The following UNC80 variants were observed in gnomAD, a reference collection of about 807,000 sequenced individuals.
UNC80 encodes protein unc-80 homolog.
Under a neutral mutation model 384.6 loss-of-function variants are expected in UNC80, and 164 were observed. The ratio of observed to expected loss-of-function variants is 0.43; its 90% confidence interval spans 0.38 to 0.49. The LOEUF is 0.49. Among genes scored for constraint, UNC80 ranks in the 20% least tolerant of loss-of-function variants. The pLI, the probability that UNC80 is intolerant of heterozygous loss-of-function variation, is 0.00. For synonymous variants in UNC80, 1,486 were observed against 1,527.8 expected, an observed-to-expected ratio of 0.97 and a Z score of 0.64; for missense variants, 3,330 against 4,143.0, an observed-to-expected ratio of 0.80 and a Z score of 5.39.
intron 1 of UNC80, among the ~76,000 whole-genome samples, chr2:209,772,744 A>G (rs947775064): frequency 1.3e-5 from 2 of 152,198 alleles, no homozygotes; most frequent in Non-Finnish European, 2.9e-5. Context: ...AAGATATTAG[A>G]TTCTGGAAAT....
chr2:209,842,754 C>G (rs374369815), intron 21 of UNC80, among the ~76,000 whole-genome samples: 29 of 152,290 alleles, frequency 1.9e-4, no homozygotes, highest in African/African-American at 7.0e-4. Context: ...ATCCTTTTAT[C>G]CACCCACCTA....
intron 17 of UNC80, 130 bp from the exon 18 acceptor site, chr2:209,834,782 C>T: frequency 1.5e-6 from 1 of 669,594 alleles, no homozygotes; most frequent in East Asian, 3.2e-5. Flanking sequence ...ACAACATAGA[C>T]TCCTGGTGAC....
chr2:209,924,774 A>AT (rs35650336), intron 35 of UNC80, among the ~76,000 whole-genome samples: 4,301 of 140,714 alleles, frequency 0.031, 144 homozygotes, highest in African/African-American at 0.087. Flanking sequence ...ATTGTTGCTG[A>AT]TTTTTTTTTT....
In UNC80 at chr2:209,793,761, C is replaced by G. The variant is rs142126808; in HGVS notation, c.840C>G (p.Ile280Met). The change falls in exon 7 of 65, where the codon ATC becomes ATG. Residue 280 changes from isoleucine to methionine, a missense_variant. By Grantham distance (10) the Ile-to-Met change is conservative (BLOSUM62 1). Around this residue, in one of 8 missense-constraint regions of UNC80, gnomAD observed 937 missense variants for 1,026.8 expected, o/e 0.91. Transcript: ENST00000673920. ...GTGAAACATTCCAGTCTGATTCCAT[C>G]TCACCCAAGGCCACCATTTCAGGCT... ...VVCETFQSDS[I>M]SPKATISGCH... 6.1e-4 allele frequency: 983 copies of G among 1,614,154 alleles called. No individual in the cohort carries two copies. Among genetic ancestry groups the G allele is most frequent in the South Asian group, 7.4e-4 (67 of 91,082 alleles).
chr2:209,919,734 C>A (rs972359211), intron 33 of UNC80, among the ~76,000 whole-genome samples: 6 of 152,100 alleles, frequency 3.9e-5, no homozygotes, highest in African/African-American at 1.4e-4. Context: ...TCTGATGGTA[C>A]CTTGCCAAAG....
chr2:209,817,081 A>T lies in UNC80; in HGVS notation c.1508A>T (p.Asp503Val). Residue 503 changes from aspartate (D) to valine (V), a missense_variant, in exon 10 of 65, where the codon GAC becomes GTC. Around this residue, in one of 8 missense-constraint regions of UNC80, gnomAD observed 937 missense variants for 1,026.8 expected, o/e 0.91. Transcript: ENST00000673920. ...SFGSFSGLGE[D>V]RRGIEKGGWQ... The stretch of plus-strand genomic sequence containing the variant: ...GGAAGTTTCTCTGGGCTGGGAGAAG[A>T]CAGGCGAGGAATTGAGAAAGGAGGC... 1 of 1,551,784 alleles carries T rather than the reference A, an allele frequency of 6.4e-7. No homozygotes were observed. The highest frequency in any genetic ancestry group is 1.2e-5 in the South Asian group (1 of 84,064).
At chr2:209,884,276 A>C (rs563736539) in intron 25 of UNC80, among the ~76,000 whole-genome samples, 1 of 152,356 alleles carries the variant, frequency 6.6e-6, no homozygotes, top group East Asian at 1.9e-4. Context: ...ACTAAGCAAC[A>C]TGTAATGAAA....
rs2091477658 is a variant in UNC80, at chr2:209,939,488, T to G, written c.6482T>G (p.Leu2161Arg). 1.9e-6 allele frequency: 3 copies of G among 1,550,448 alleles called. No individual in the cohort carries two copies. Among genetic ancestry groups the G allele is most frequent in the Non-Finnish European group, 2.6e-6 (3 of 1,146,230 alleles). ...TTTCTCCAGGTGTTCACCCGAAAGC[T>G]GGAAGAAGTAGGGCGGGTGTTGTTT... ...LIQKQVFTRKLEEVGRVLFLI... is the reference protein window; with the variant it reads ...LIQKQVFTRKREEVGRVLFLI... Residue 2161 changes from leucine (L) to arginine (R), a missense_variant, in exon 43 of 65, where the codon CTG (leucine) becomes CGG (arginine). Leu to Arg is a moderately radical substitution (Grantham distance 102). Transcript: ENST00000673920.
chr2:209,839,246 C>G lies in UNC80; in HGVS notation c.3066C>G (p.Asn1022Lys). ...PEHDEQMQGA[N>K]LGRKDFWRKM... Reference sequence around the variant, plus strand: ...GCGATGAACAAATGCAAGGAGCCAACTTGGGGCGGAAAGATTTCTGGCGTA... The same window carrying G: ...GCGATGAACAAATGCAAGGAGCCAAGTTGGGGCGGAAAGATTTCTGGCGTA... The change falls in exon 19 of 65, where the codon AAC becomes AAG. Residue 1022 changes from asparagine (N) to lysine (K), a missense_variant. This residue lies in a region of UNC80 where 801 missense variants were observed against 950.8 expected (regional missense o/e 0.84). Coordinates refer to ENST00000673920, the MANE Select transcript of UNC80 (RefSeq NM_001371986.1). This position sits in a 1 kb window ranked among gnomAD's most constrained non-coding sequence, Gnocchi z 4.1. The G allele has an allele frequency of 6.4e-7, 1 of 1,551,534 alleles. No individual in the cohort carries two copies. The highest frequency in any genetic ancestry group is 8.7e-7 in the Non-Finnish European group (1 of 1,146,980).
chr2:209,869,157 T>G (rs2084083182), intron 22 of UNC80: 1 of 152,234 alleles, frequency 6.6e-6, no homozygotes, highest in Admixed American at 6.5e-5. Context: ...TTTTTCTCTG[T>G]GATGTGAATC....
intron 44 of UNC80, 149 bp downstream of exon 44, chr2:209,941,638 A>G (rs1233629277): frequency 1.0e-6 from 1 of 996,908 alleles, no homozygotes; most frequent in East Asian, 2.8e-5. Context: ...ATCCCCCCAT[A>G]AATTTGCAAG....
chr2:209,925,100 T>G (rs374018516), intron 35 of UNC80, among the ~76,000 whole-genome samples: 64 of 152,104 alleles, frequency 4.2e-4, no homozygotes, highest in Middle Eastern at 3.4e-3. Flanking sequence ...CCTTTTTTTT[T>G]TTGTTGTTTT....
Position 209,872,875 on chromosome 2 carries a change from A to G in UNC80, c.3745A>G (p.Lys1249Glu). Reference sequence around the variant, plus strand: ...AGGGCACCACGTGAACATCACCAAGAAAGGACTTTCCCGGGGACGCTCTCC... The same window carrying G: ...AGGGCACCACGTGAACATCACCAAGGAAGGACTTTCCCGGGGACGCTCTCC... Reference protein sequence around the residue: ...MKGHHVNITKKGLSRGRSPIV... With the variant: ...MKGHHVNITKEGLSRGRSPIV... Residue 1249 changes from lysine to glutamate, a missense_variant, in exon 23 of 65, where the codon AAA becomes GAA. Lys to Glu is a moderately conservative substitution (Grantham distance 56). This residue lies in a region of UNC80 where 801 missense variants were observed against 950.8 expected (regional missense o/e 0.84). Coordinates refer to ENST00000673920, the MANE Select transcript of UNC80 (RefSeq NM_001371986.1). The surrounding 1 kb of genome is among the most constrained non-coding windows in gnomAD (Gnocchi z 4.1). The G allele has an allele frequency of 6.4e-7, 1 of 1,551,420 alleles. No individual in the cohort carries two copies. The highest frequency in any genetic ancestry group is 8.7e-7 in the Non-Finnish European group (1 of 1,146,842).
rs758367420 is a variant in UNC80 at position 209,872,849 on chromosome 2, A to C, written c.3719A>C (p.Lys1240Thr). ...CGTGGCAACTGGCCAGAGTGGATGAAAGGGCACCACGTGAACATCACCAAG... is the reference window on the plus strand; with the variant it reads ...CGTGGCAACTGGCCAGAGTGGATGACAGGGCACCACGTGAACATCACCAAG... ...CNRGNWPEWMKGHHVNITKKG... is the reference protein window; with the variant it reads ...CNRGNWPEWMTGHHVNITKKG... The change falls in exon 23 of 65, where the codon AAA (lysine) becomes ACA (threonine). Residue 1240 changes from lysine (K) to threonine (T), a missense_variant. Physicochemically the swap from Lys to Thr is moderately conservative, Grantham distance 78. Around this residue, in one of 8 missense-constraint regions of UNC80, gnomAD observed 801 missense variants for 950.8 expected, o/e 0.84. Transcript: ENST00000673920. This position sits in a 1 kb window ranked among gnomAD's most constrained non-coding sequence, Gnocchi z 4.1. 5.7e-5 allele frequency: 88 copies of C among 1,551,356 alleles called. No individual in the cohort carries two copies. Among genetic ancestry groups the C allele is most frequent in the Non-Finnish European group, 7.4e-5 (85 of 1,146,852 alleles).
intron 23 of UNC80, among the ~76,000 whole-genome samples, chr2:209,877,682 A>C (rs1386144825): frequency 6.6e-6 from 1 of 152,216 alleles, no homozygotes; most frequent in Non-Finnish European, 1.5e-5. Flanking sequence ...GAGTAAATGG[A>C]AATATTTTCA....
chr2:209,960,005 G>T (rs1443043181), intron 51 of UNC80, among the ~76,000 whole-genome samples: 2 of 152,162 alleles, frequency 1.3e-5, no homozygotes, highest in Non-Finnish European at 2.9e-5. Flanking sequence ...TGAATTCTTA[G>T]AAAAGTAGCC....
In UNC80 at chr2:209,973,139, TCATCAG is replaced by T; in HGVS notation, c.8459_8464del (p.Ile2820_Ser2821del). On this transcript the variant is annotated inframe_deletion, in exon 56 of 65. Coordinates refer to ENST00000673920, the MANE Select transcript of UNC80 (RefSeq NM_001371986.1). ...ATCAATGTACTCCTCCCACCGCGGA[TCATCAG>T]CACATCCAGGAGCAAGAACTTCATG... 1 of 1,551,638 alleles carries T rather than the reference TCATCAG, an allele frequency of 6.4e-7. No homozygotes were observed. Among genetic ancestry groups the T allele is most frequent in the East Asian group, 2.4e-5 (1 of 40,910 alleles).
At position 209,834,902 on chromosome 2, in the gene UNC80, A is replaced by T. The variant is rs1056704840; in HGVS notation, c.2943-10A>T. ...TCTGCTGTAATTGTTGGAATGCACC[A>T]TTTGCATAGGTCAGAGGCGGGAAGC... On this transcript the variant is annotated splice_polypyrimidine_tract_variant and intron_variant, in intron 17 of 64. Coordinates refer to ENST00000673920, the MANE Select transcript of UNC80 (RefSeq NM_001371986.1). 4.5e-6 allele frequency: 7 copies of T among 1,546,628 alleles called. No individual in the cohort carries two copies. The highest frequency in any genetic ancestry group is 2.7e-5 in the African/African-American group (2 of 73,022).
chr2:209,916,789 G>A (rs763154791), intron 31 of UNC80, among the ~76,000 whole-genome samples: 6 of 152,148 alleles, frequency 3.9e-5, no homozygotes, highest in Non-Finnish European at 8.8e-5. Context: ...ACAGATAGAT[G>A]CCCTTCCCAT....
Sources: gnomAD v4.1 joint callset for allele counts (sites outside exome capture counted in the v4.1 genomes callset) on GRCh38, gnomAD v4.1.1 for gene constraint, gnomAD v4.1.1 regional missense constraint, Gnocchi (gnomAD v3.1) non-coding constraint, MANE v1.5 for transcripts, NCBI Gene and HGNC (gene_info 2026-07-23, HGNC 2026-07-21) for gene names.